Variants in EPHA3 observed in about 807,000 individuals in gnomAD.
EPHA3 encodes ephrin type-A receptor 3.
In EPHA3, 42 loss-of-function variants were observed where a neutral mutation model predicts 107.1. The observed-to-expected ratio is 0.39, with a 90% CI of 0.31 to 0.51. The LOEUF (loss-of-function observed/expected upper bound fraction) is 0.51, where lower values mean the gene tolerates loss of function less well. EPHA3 is among the 20% of genes least tolerant of loss of function. The pLI, the probability that EPHA3 is intolerant of heterozygous loss-of-function variation, is 0.78. For synonymous variants in EPHA3, 461 were observed against 424.8 expected, an observed-to-expected ratio of 1.09 and a Z score of -1.05; for missense variants, 1,183 against 1,211.2, an observed-to-expected ratio of 0.98 and a Z score of 0.35.
At chr3:89,289,117 C>T (rs1706156016) in intron 3 of EPHA3, among the ~76,000 whole-genome samples, 1 of 152,114 alleles carries the variant, frequency 6.6e-6, no homozygotes, top group Non-Finnish European at 1.5e-5. Flanking sequence ...AGCTAAGGAA[C>T]TACAACAGAG....
chr3:89,196,429 G>C (rs1480014807), intron 2 of EPHA3, among the ~76,000 whole-genome samples: 1 of 111,832 alleles, frequency 8.9e-6, no homozygotes. Context: ...GAGATTTCAA[G>C]TCATAGATTT....
At chr3:89,370,400 C>T (rs1004581533) in intron 5 of EPHA3, among the ~76,000 whole-genome samples, 6 of 151,634 alleles carry the variant, frequency 4.0e-5, no homozygotes, top group East Asian at 1.9e-4. Context: ...AGTAAACTAT[C>T]GCAAGGACAA....
intron 3 of EPHA3, among the ~76,000 whole-genome samples, chr3:89,253,682 G>A (rs536485591): frequency 6.6e-6 from 1 of 152,082 alleles, no homozygotes; most frequent in Admixed American, 6.6e-5. Flanking sequence ...TGTCATCTTC[G>A]TTTCATTTTA....
intron 5 of EPHA3, among the ~76,000 whole-genome samples, chr3:89,345,290 T>A (rs921510996): frequency 6.6e-6 from 1 of 151,290 alleles, no homozygotes; most frequent in Non-Finnish European, 1.5e-5. Flanking sequence ...TCTGAGAAGC[T>A]TTTTCAACAT....
intron 3 of EPHA3, among the ~76,000 whole-genome samples, chr3:89,210,765 C>G (rs1040640573): frequency 1.3e-5 from 2 of 152,002 alleles, no homozygotes; most frequent in African/African-American, 4.8e-5. Context: ...GTTATACATG[C>G]TATATTTAAG....
rs774066717 is a variant in EPHA3 at position 89,396,007 on chromosome 3, GT to G, written c.1431+49del. 2.5e-6 allele frequency: 4 copies of G among 1,603,884 alleles called. No individual in the cohort carries two copies. The East Asian group carries it at 8.9e-5, about 36-fold the overall frequency. ...GGTTGGGCTGTGTAGGCAAGAAGCT[GT>G]TTCCTCATGAGCTGTGCTCTTGCAA... On this transcript the variant is annotated intron_variant, in intron 6 of 16. Transcript: ENST00000336596.
intron 2 of EPHA3, among the ~76,000 whole-genome samples, chr3:89,141,456 A>G (rs1704429529): frequency 6.6e-6 from 1 of 151,598 alleles, no homozygotes; most frequent in African/African-American, 2.4e-5. Flanking sequence ...GATAATTTCC[A>G]TGATATTGTG....
At chr3:89,345,495 AC>A (rs1330611018) in intron 5 of EPHA3, among the ~76,000 whole-genome samples, 1 of 151,054 alleles carries the variant, frequency 6.6e-6, no homozygotes, top group Non-Finnish European at 1.5e-5. Context: ...AATTTATTCC[AC>A]GTGCTTTATC....
At chr3:89,262,399 T>TGAA (rs535032970) in intron 3 of EPHA3, among the ~76,000 whole-genome samples, 115 of 152,324 alleles carry the variant, frequency 7.5e-4, no homozygotes, top group Middle Eastern at 6.8e-3. Flanking sequence ...TGCCTCTTTC[T>TGAA]AGCTTCAGAC....
At chr3:89,286,513 T>C (rs1166809758) in intron 3 of EPHA3, among the ~76,000 whole-genome samples, 2 of 152,112 alleles carry the variant, frequency 1.3e-5, no homozygotes, top group African/African-American at 2.4e-5. Flanking sequence ...TGGACTATCA[T>C]GGCAGCAGTG....
chr3:89,191,069 A>C (rs1207978757), intron 2 of EPHA3, among the ~76,000 whole-genome samples: 1 of 152,128 alleles, frequency 6.6e-6, no homozygotes, highest in African/African-American at 2.4e-5. Flanking sequence ...TGGAAATATT[A>C]AAATACAATA....
At chr3:89,149,211 C>T (rs1704636895) in intron 2 of EPHA3, among the ~76,000 whole-genome samples, 1 of 151,960 alleles carries the variant, frequency 6.6e-6, no homozygotes, top group African/African-American at 2.4e-5. Context: ...TGCACGTCTG[C>T]TTTGAAAAAT....
intron 5 of EPHA3, among the ~76,000 whole-genome samples, chr3:89,348,507 T>C (rs1707728715): frequency 7.5e-6 from 1 of 133,326 alleles, no homozygotes; most frequent in Admixed American, 7.5e-5. Flanking sequence ...CTTCTCTCTT[T>C]TTTTCTTTAT....
intron 2 of EPHA3, among the ~76,000 whole-genome samples, chr3:89,132,817 G>A (rs1215317470): frequency 6.6e-6 from 1 of 152,148 alleles, no homozygotes; most frequent in Non-Finnish European, 1.5e-5. Context: ...TTGAGCCCAA[G>A]AGTTCCAGGC....
chr3:89,456,130 A>AT (rs1410935633), intron 15 of EPHA3, among the ~76,000 whole-genome samples: 5 of 152,162 alleles, frequency 3.3e-5, no homozygotes, highest in African/African-American at 9.7e-5. Flanking sequence ...CTCTGAACAG[A>AT]TTTTTTTAAT....
intron 2 of EPHA3, among the ~76,000 whole-genome samples, chr3:89,154,570 A>G (rs1704757804): frequency 6.6e-6 from 1 of 151,690 alleles, no homozygotes; most frequent in South Asian, 2.1e-4. Flanking sequence ...ATACTGAACA[A>G]TATTTTAAAT....
At chr3:89,163,196 T>A (rs1039074216) in intron 2 of EPHA3, among the ~76,000 whole-genome samples, 23 of 152,182 alleles carry the variant, frequency 1.5e-4, no homozygotes, top group Admixed American at 1.0e-3. Context: ...ATAGGGATGA[T>A]GATACCTATT....
At chr3:89,257,345 TG>T (rs1420781232) in intron 3 of EPHA3, among the ~76,000 whole-genome samples, 2 of 152,202 alleles carry the variant, frequency 1.3e-5, no homozygotes, top group African/African-American at 2.4e-5. Flanking sequence ...CGTTTAGGTC[TG>T]GTGAAGATTG....
At chr3:89,392,261 A>G (rs1478805291) in intron 5 of EPHA3, among the ~76,000 whole-genome samples, 4 of 152,148 alleles carry the variant, frequency 2.6e-5, no homozygotes, top group Non-Finnish European at 5.9e-5. Flanking sequence ...CCAACATGCG[A>G]AACCCTGTCT....
Sources: allele counts gnomAD v4.1 joint callset (sites outside exome capture counted in the v4.1 genomes callset), GRCh38; gene constraint gnomAD v4.1.1; transcripts MANE v1.5; gene names NCBI Gene and HGNC (gene_info 2026-07-23, HGNC 2026-07-21).